PCP4L1: variants seen among roughly 807,000 people sequenced by gnomAD.
PCP4L1 encodes the protein Purkinje cell protein 4 like 1, also known as Purkinje cell protein 4-like protein 1.
In PCP4L1, 9 loss-of-function variants were observed where a neutral mutation model predicts 9.6. The ratio of observed to expected loss-of-function variants is 0.94; its 90% CI spans 0.57 to 1.64. PCP4L1 has a LOEUF of 1.64. PCP4L1 is among the 40% of genes most tolerant of loss of function. The pLI, the probability that PCP4L1 is intolerant of heterozygous loss-of-function variation, is 0.00. For missense variants in PCP4L1, 81 were observed against 80.8 expected (o/e 1.00, Z -0.01); for synonymous variants, 31 against 28.2 (o/e 1.10, Z -0.31).
intron 1 of PCP4L1, among the ~76,000 whole-genome samples, chr1:161,262,321 C>G (rs1189977473): frequency 6.6e-6 from 1 of 150,540 alleles, no homozygotes; most frequent in Non-Finnish European, 1.5e-5. Flanking sequence ...GTAGTCCCAG[C>G]TACTCGGGAG....
chr1:161,281,739 C>T (rs533689926), intron 1 of PCP4L1, among the ~76,000 whole-genome samples: 2 of 128,556 alleles, frequency 1.6e-5, no homozygotes, highest in Non-Finnish European at 3.3e-5. Context: ...CGCTCCTCAC[C>T]TCCCAGACGG....
intron 1 of PCP4L1, among the ~76,000 whole-genome samples, chr1:161,282,650 A>T (rs1437620270): frequency 1.3e-5 from 2 of 152,134 alleles, no homozygotes; most frequent in African/African-American, 4.8e-5. Context: ...TCTCTTGGAT[A>T]ATTAATAGCC....
At chr1:161,276,015 G>A (rs899217679) in intron 1 of PCP4L1, among the ~76,000 whole-genome samples, 3 of 151,842 alleles carry the variant, frequency 2.0e-5, no homozygotes, top group Non-Finnish European at 2.9e-5. Flanking sequence ...GGCTGGTCTC[G>A]AACTCCTGAC....
At chr1:161,271,255 T>C (rs1411670628) in intron 1 of PCP4L1, among the ~76,000 whole-genome samples, 1 of 152,198 alleles carries the variant, frequency 6.6e-6, no homozygotes, top group Non-Finnish European at 1.5e-5. Context: ...TTAATAGGTA[T>C]GTGGTGATAT....
chr1:161,262,448 A>AAAAG (rs1553256885), intron 1 of PCP4L1, among the ~76,000 whole-genome samples: 107 of 149,310 alleles, frequency 7.2e-4, no homozygotes, highest in Non-Finnish European at 1.2e-3. Context: ...AAAAAAAAAA[A>AAAAG]AAAAAAAAGA....
chr1:161,263,429 GGGTTTCACTATGTTGGCCAGACT>G (rs1669454130), intron 1 of PCP4L1, among the ~76,000 whole-genome samples: 1 of 151,842 alleles, frequency 6.6e-6, no homozygotes, highest in Admixed American at 6.6e-5. Flanking sequence ...AGTAGAGATG[GGGTTTCACTATGTTGGCCAGACT>G]GGTCTCGAAC....
intron 1 of PCP4L1, among the ~76,000 whole-genome samples, chr1:161,276,001 G>A (rs1484979016): frequency 1.3e-5 from 2 of 151,882 alleles, no homozygotes; most frequent in Non-Finnish European, 2.9e-5. Context: ...CGCCATGTTG[G>A]CCAGGCTGGT....
chr1:161,260,175 AT>A (rs1669392681), intron 1 of PCP4L1, among the ~76,000 whole-genome samples: 1 of 149,132 alleles, frequency 6.7e-6, no homozygotes, highest in Non-Finnish European at 1.5e-5. Context: ...TCCAGTTTAG[AT>A]ACTAAAAATG....
At chr1:161,282,193 C>G (rs1009780371) in intron 1 of PCP4L1, among the ~76,000 whole-genome samples, 1 of 151,422 alleles carries the variant, frequency 6.6e-6, no homozygotes, top group East Asian at 2.0e-4. Context: ...GAGACCAGCC[C>G]GACCAACACA....
intron 1 of PCP4L1, among the ~76,000 whole-genome samples, chr1:161,276,768 TA>T (rs1287684433): frequency 3.3e-5 from 5 of 150,602 alleles, no homozygotes; most frequent in Non-Finnish European, 5.9e-5. Context: ...TGTATATATA[TA>T]AAAAATATAC....
chr1:161,274,643 A>G (rs146090529), intron 1 of PCP4L1, among the ~76,000 whole-genome samples: 9 of 152,346 alleles, frequency 5.9e-5, no homozygotes, highest in African/African-American at 1.9e-4. Context: ...CGTTTCTGGA[A>G]GATAAACAGG....
Position 161,270,533 on chromosome 1 carries a change from A to G in PCP4L1, c.9+11550A>G, listed in dbSNP as rs1350703148. ...GGTCATGAGGGCAGAGCCCTCATAA[A>G]TGGGATTAGTACCCTTATAAAAGAG... On this transcript the variant is annotated intron_variant, in intron 1 of 2. Transcript: ENST00000504449. Among the ~76,000 whole-genome samples the G allele has an allele frequency of 2.8e-5, 4 of 142,342 alleles. No homozygotes were observed. The South Asian group carries it at 8.9e-4, about 32-fold the overall frequency. 93.4% of individuals were successfully genotyped at this position (142,342 alleles called of 152,430 possible).
At chr1:161,279,092 T>C (rs1326019375) in intron 1 of PCP4L1, among the ~76,000 whole-genome samples, 3 of 152,178 alleles carry the variant, frequency 2.0e-5, no homozygotes, top group African/African-American at 7.2e-5. Context: ...CCATGATGAT[T>C]TTTTTTACTC....
chr1:161,284,427 T>A lies in PCP4L1; in HGVS notation c.153T>A (p.Ala51=), dbSNP rs1490578115. 3.1e-6 allele frequency: 5 copies of A among 1,613,996 alleles called. No homozygotes were observed. Among genetic ancestry groups the A allele is most frequent in the Non-Finnish European group, 4.2e-6 (5 of 1,179,888 alleles). ...CAGAAACAGAGAAGGCTGCCCTTGC[T>A]ATTCAGGGCAAGTTCCGGCGATTTC... The part of the protein sequence containing the change: ...TAPETEKAAL[A]IQGKFRRFQK... The change falls in exon 3 of 3, where the codon GCT becomes GCA. Residue 51 remains alanine, a synonymous_variant. Coordinates refer to ENST00000504449, the MANE Select transcript of PCP4L1 (RefSeq NM_001102566.2).
At chr1:161,270,813 C>T (rs576212858) in intron 1 of PCP4L1, among the ~76,000 whole-genome samples, 104 of 148,664 alleles carry the variant, frequency 7.0e-4, no homozygotes, top group African/African-American at 2.5e-3. Context: ...AGGTGGAGGT[C>T]GCAGTGAGCT....
chr1:161,280,215 C>A (rs1372505108), intron 1 of PCP4L1, among the ~76,000 whole-genome samples: 1 of 152,126 alleles, frequency 6.6e-6, no homozygotes, highest in Admixed American at 6.5e-5. Flanking sequence ...AATATAGAAG[C>A]AGTTAGGGAG....
At chr1:161,284,216 A>G in intron 2 of PCP4L1, 123 bp from the exon 3 acceptor site, 4 of 1,314,188 alleles carry the variant, frequency 3.0e-6, no homozygotes, top group Non-Finnish European at 4.2e-6. Context: ...TAATCCTAGC[A>G]AAAATTTGGG....
chr1:161,280,136 C>T (rs1669769693), intron 1 of PCP4L1, among the ~76,000 whole-genome samples: 1 of 152,156 alleles, frequency 6.6e-6, no homozygotes, highest in Admixed American at 6.5e-5. Flanking sequence ...GAGTATTTCT[C>T]CCTTCCTTTC....
At chr1:161,280,126 G>A (rs1410836090) in intron 1 of PCP4L1, among the ~76,000 whole-genome samples, 1 of 152,148 alleles carries the variant, frequency 6.6e-6, no homozygotes, top group Non-Finnish European at 1.5e-5. Flanking sequence ...TTGCCTAGGT[G>A]AGTATTTCTC....
Sources: allele counts gnomAD v4.1 joint callset (sites outside exome capture counted in the v4.1 genomes callset), GRCh38; gene constraint gnomAD v4.1.1; transcripts MANE v1.5; gene names NCBI Gene and HGNC (gene_info 2026-07-23, HGNC 2026-07-21).